The following HCRTR1 variants were observed in gnomAD, a reference collection of about 807,000 sequenced individuals.
The protein encoded by HCRTR1 is hypocretin receptor 1, also known as orexin/Hypocretin receptor type 1.
In HCRTR1, 28 loss-of-function variants were observed where a neutral mutation model predicts 40.6. The ratio of observed to expected loss-of-function variants is 0.69; its 90% CI spans 0.51 to 0.95. HCRTR1 has a LOEUF of 0.95. Ranked by LOEUF, HCRTR1 falls within the 40% of genes least tolerant of loss-of-function variation. The probability of loss-of-function intolerance (pLI) is 0.00; values close to 1 mark genes in which losing one functional copy is unlikely to be tolerated. For synonymous variants in HCRTR1, 209 were observed against 230.0 expected (o/e 0.91, Z 0.83); for missense variants, 482 against 564.7 (o/e 0.85, Z 1.48).
chr1:31,620,936 GC>G lies in HCRTR1; in HGVS notation c.475del (p.Arg159GlyfsTer34). On this transcript the variant is annotated frameshift_variant, in exon 5 of 9. Coordinates refer to ENST00000403528, the MANE Select transcript of HCRTR1 (RefSeq NM_001525.3). LOFTEE classifies it high-confidence loss of function. The part of the protein sequence containing the change: ...ICHPLLFKST[A>X]RRARGSILGI... ...CCACCCACTATTGTTCAAGAGCACA[GC>G]CCGGCGGGCCCGTGGCTCCATCCTG... The G allele has an allele frequency of 1.8e-5, 29 of 1,614,110 alleles. No homozygotes were observed. The highest frequency in any genetic ancestry group is 2.2e-5 in the East Asian group (1 of 44,884).
chr1:31,624,624 G>A (rs1639935185), intron 7 of HCRTR1, among the ~76,000 whole-genome samples: 1 of 152,184 alleles, frequency 6.6e-6, no homozygotes, highest in African/African-American at 2.4e-5. Context: ...TTGAGATTGT[G>A]CTTGGCCACT....
At chr1:31,631,497 G>A (rs1054935008), downstream of HCRTR1, among the ~76,000 whole-genome samples, 2 of 152,110 alleles carry the variant, frequency 1.3e-5, no homozygotes, top group Non-Finnish European at 2.9e-5. Flanking sequence ...GAACTTACCA[G>A]GCCAGGCTAA....
chr1:31,621,222 G>GGGA, intron 5 of HCRTR1, 136 bp downstream of exon 5: 4 of 1,244,338 alleles, frequency 3.2e-6, no homozygotes, highest in Non-Finnish European at 4.4e-6. Context: ...GGACACCCTA[G>GGGA]ACTGGCTCCT....
Position 31,627,241 on chromosome 1 carries a change from A to G in HCRTR1, c.*261A>G. On this transcript the variant is annotated 3_prime_UTR_variant, in exon 9 of 9. Transcript: ENST00000403528. ...ATTGTTGTACTTCTCTCATTTGGCC[A>G]TACCCCACAGTATAATCTGTCCCCA... 1 of 1,484,192 alleles carries G rather than the reference A, an allele frequency of 6.7e-7. No homozygotes were observed. Among genetic ancestry groups the G allele is most frequent in the Non-Finnish European group, 9.0e-7 (1 of 1,113,764 alleles). 91.9% of individuals were successfully genotyped at this position (1,484,192 alleles called of 1,614,324 possible). A position where few individuals can be genotyped will look rare whatever the true frequency, so the allele number is the denominator to read the frequency against.
downstream of HCRTR1, chr1:31,630,324 G>A (rs965927333): frequency 2.5e-5 from 11 of 442,648 alleles, no homozygotes; most frequent in Admixed American, 6.9e-5. Flanking sequence ...CCATTACAAG[G>A]ACCTGCTCCT....
rs1216268810 is a variant in HCRTR1 at position 31,619,408 on chromosome 1, C to T, written c.199+17C>T. On this transcript the variant is annotated intron_variant, in intron 3 of 8. Transcript: ENST00000403528. ...ACACGCTGGGTAGGTCCAGGGCTTG[C>T]CCGGCAGTGCTGCCGGCTTTCCCTG... 1.2e-6 allele frequency: 2 copies of T among 1,613,624 alleles called. No homozygotes were observed. The highest frequency in any genetic ancestry group is 1.7e-6 in the Non-Finnish European group (2 of 1,179,818).
chr1:31,618,500 G>T (rs1278161064), intron 1 of HCRTR1, among the ~76,000 whole-genome samples: 1 of 152,008 alleles, frequency 6.6e-6, no homozygotes. Flanking sequence ...GGTGGGGCTT[G>T]GGTCTCTAAC....
chr1:31,623,188 G>A (rs1639895902), intron 6 of HCRTR1, among the ~76,000 whole-genome samples: 1 of 151,746 alleles, frequency 6.6e-6, no homozygotes, highest in Non-Finnish European at 1.5e-5. Context: ...ACTTAGCCCG[G>A]TGTGGTGGCG....
At position 31,621,499 on chromosome 1, in the gene HCRTR1, C is replaced by T. The variant is rs2148609398; in HGVS notation, c.645C>T (p.Tyr215=). 6.2e-7 allele frequency: 1 copy of T among 1,613,634 alleles called. No individual in the cohort carries two copies. Among genetic ancestry groups the T allele is most frequent in the Non-Finnish European group, 8.5e-7 (1 of 1,179,632 alleles). ...RWADDLYPKI[Y]HSCFFIVTYL... The stretch of plus-strand genomic sequence containing the variant: ...CAGATGACCTCTATCCCAAGATCTA[C>T]CACAGTTGCTTCTTTATTGTCACCT... The change falls in exon 6 of 9, where the codon TAC becomes TAT. Residue 215 remains tyrosine (Y), a synonymous_variant. Transcript: ENST00000403528.
downstream of HCRTR1, chr1:31,633,008 G>A: frequency 1.1e-6 from 1 of 907,198 alleles, no homozygotes; most frequent in Non-Finnish European, 1.6e-6. Context: ...CTCAGTCTAG[G>A]GGATCTCACC....
At chr1:31,631,912 T>C (rs946535373), downstream of HCRTR1, among the ~76,000 whole-genome samples, 1 of 116,516 alleles carries the variant, frequency 8.6e-6, no homozygotes, top group African/African-American at 2.8e-5. Flanking sequence ...GTGGCAAAGC[T>C]CCCTCTTGGG....
chr1:31,622,570 T>C (rs10914456), intron 6 of HCRTR1, among the ~76,000 whole-genome samples: 76,887 of 151,730 alleles, frequency 0.51, 21,168 homozygotes, highest in Non-Finnish European at 0.62. Flanking sequence ...ATTTGACAGA[T>C]ATGAAAGCAA....
intron 1 of HCRTR1, among the ~76,000 whole-genome samples, chr1:31,618,334 C>T (rs911136134): frequency 2.0e-5 from 3 of 152,142 alleles, no homozygotes; most frequent in Non-Finnish European, 2.9e-5. Context: ...CGGGGAGCGT[C>T]GCGGCCCTGG....
chr1:31,627,370 T>C lies in HCRTR1; in HGVS notation c.*390T>C. On this transcript the variant is annotated 3_prime_UTR_variant, in exon 9 of 9. Transcript: ENST00000403528. Reference sequence around the variant, plus strand: ...AAGGTCCCAACAGGCATTTCCATCTTGTTCCATGGCTCCCTGAAGCCCAGG... The same window carrying C: ...AAGGTCCCAACAGGCATTTCCATCTCGTTCCATGGCTCCCTGAAGCCCAGG... 1 of 1,296,430 alleles carries C rather than the reference T, an allele frequency of 7.7e-7. No homozygotes were observed. Among genetic ancestry groups the C allele is most frequent in the Non-Finnish European group, 1.0e-6 (1 of 992,996 alleles). The allele number at this position is 1,296,430 out of a possible 1,614,324, so 80.3% of individuals were successfully genotyped here.
Position 31,623,744 on chromosome 1 carries a change from T to C in HCRTR1, c.960T>C (p.Leu320=). 1 of 1,612,898 alleles carries C rather than the reference T, an allele frequency of 6.2e-7. No individual in the cohort carries two copies. Among genetic ancestry groups the C allele is most frequent in the South Asian group, 1.1e-5 (1 of 90,976 alleles). ...CYLPISVLNV[L]KRVFGMFRQA... is the part of the protein sequence containing the mutation. ...TGCCCATCAGCGTCCTCAATGTCCTTAAGAGGTGAGAGCACGGGGTATGGT... is the reference window on the plus strand; with the variant it reads ...TGCCCATCAGCGTCCTCAATGTCCTCAAGAGGTGAGAGCACGGGGTATGGT... Residue 320 remains leucine (L), a synonymous_variant, in exon 7 of 9, where the codon CTT becomes CTC. Coordinates refer to ENST00000403528, the MANE Select transcript of HCRTR1 (RefSeq NM_001525.3).
In HCRTR1 at chr1:31,621,738, G is replaced by T. The variant is rs1035798483; in HGVS notation, c.738+146G>T. 5 of 645,446 alleles carry T rather than the reference G, an allele frequency of 7.7e-6. No homozygotes were observed. In the Admixed American group the frequency reaches 1.1e-4, roughly 14 times the overall value. The allele number at this position is 645,446 out of a possible 1,614,324, so 40.0% of individuals were successfully genotyped here. A position where few individuals can be genotyped will look rare whatever the true frequency, so the allele number is the denominator to read the frequency against. ...AAAGAGAGGGGAAGCCCAGAGACAC[G>T]TCAAACTCAAGGCCAAAAGCACCAG... On this transcript the variant is annotated intron_variant, in intron 6 of 8. Transcript: ENST00000403528.
downstream of HCRTR1, chr1:31,629,843 A>T (rs1640045220): frequency 6.6e-6 from 1 of 152,354 alleles, no homozygotes; most frequent in Non-Finnish European, 1.5e-5. Flanking sequence ...GTAGCTGAGA[A>T]ATCATGGTGG....
rs544714324 is a variant in HCRTR1, at chr1:31,620,593, G to T, written c.379-250G>T. On this transcript the variant is annotated intron_variant, in intron 4 of 8. Transcript: ENST00000403528. ...GGAGGGGTGCACCTACCATGTGCCA[G>T]GTCTAAAGCTGGACATTGTTTGTAC... Among the ~76,000 whole-genome samples, 6 of 152,356 alleles carry T rather than the reference G, an allele frequency of 3.9e-5. No homozygotes were observed. In the South Asian group the frequency reaches 1.2e-3, roughly 32 times the overall value.
chr1:31,618,651 C>T (rs1338749131), intron 1 of HCRTR1, 105 bp from the exon 2 acceptor site: 1 of 155,374 alleles, frequency 6.4e-6, no homozygotes, highest in East Asian at 1.9e-4. Context: ...GCTTTGTGAC[C>T]TTGAGCAAGA....
Sources: allele counts gnomAD v4.1 joint callset (sites outside exome capture counted in the v4.1 genomes callset), GRCh38; gene constraint gnomAD v4.1.1; transcripts MANE v1.5; gene names NCBI Gene and HGNC (gene_info 2026-07-23, HGNC 2026-07-21).